Variants in SOX30 observed in about 807,000 individuals in gnomAD.
SOX30 encodes SRY-box transcription factor 30.
SOX30 carries 17 observed loss-of-function variants against 58.6 expected under a neutral mutation model. The ratio of observed to expected loss-of-function variants is 0.29; its 90% CI spans 0.20 to 0.44. The LOEUF is 0.44. SOX30 is among the 20% of genes least tolerant of loss of function. The pLI is 1.00. For missense variants in SOX30, 951 were observed against 965.8 expected, an observed-to-expected ratio of 0.98 and a Z score of 0.20; for synonymous variants, 421 against 400.2, an observed-to-expected ratio of 1.05 and a Z score of -0.62.
intron 1 of SOX30, among the ~76,000 whole-genome samples, chr5:157,668,087 C>G (rs951143042): frequency 2.6e-5 from 4 of 152,226 alleles, no homozygotes; most frequent in Non-Finnish European, 5.9e-5. Context: ...TGATTCTCAG[C>G]TTCATTATGA....
At chr5:157,628,365 T>TCACACACACACACA (rs70984476) in intron 4 of SOX30, among the ~76,000 whole-genome samples, 32 of 139,706 alleles carry the variant, frequency 2.3e-4, no homozygotes, top group African/African-American at 7.3e-4. Context: ...TTTCTGGCCT[T>TCACACACACACACA]CACACACACA....
chr5:157,657,017 C>T (rs1759485187), upstream of SOX30, among the ~76,000 whole-genome samples: 1 of 152,022 alleles, frequency 6.6e-6, no homozygotes, highest in Non-Finnish European at 1.5e-5. Flanking sequence ...AGAATCTTAC[C>T]TTATAGTCAA....
rs1482515339 is a variant in SOX30, at chr5:157,626,630, T to C, written c.1972A>G (p.Lys658Glu). The C allele has an allele frequency of 6.2e-7, 1 of 1,614,168 alleles. No homozygotes were observed. The highest frequency in any genetic ancestry group is 8.5e-7 in the Non-Finnish European group (1 of 1,180,002). Residue 658 changes from lysine to glutamate, a missense_variant, in exon 5 of 5, where the codon AAA becomes GAA. By Grantham distance (56) the Lys-to-Glu change is moderately conservative. Coordinates refer to ENST00000265007, the MANE Select transcript of SOX30 (RefSeq NM_178424.2). Reference sequence around the variant, plus strand: ...AAAGTTGAAAAGATACCCTCATGTTTTGGGTACCTGTCTTCATAATAACTA... The same window carrying C: ...AAAGTTGAAAAGATACCCTCATGTTCTGGGTACCTGTCTTCATAATAACTA... ...CLSYYEDRYP[K>E]HEGIFSTLNR...
rs1024548856 is a variant in SOX30, at chr5:157,652,331, T to C, written c.-253A>G. 38 of 1,206,136 alleles carry C rather than the reference T, an allele frequency of 3.2e-5. No homozygotes were observed. The highest frequency in any genetic ancestry group is 3.8e-5 in the Non-Finnish European group (37 of 972,358). 74.7% of individuals were successfully genotyped at this position (1,206,136 alleles called of 1,614,324 possible). A position where few individuals can be genotyped will look rare whatever the true frequency, so the allele number is the denominator to read the frequency against. On this transcript the variant is annotated 5_prime_UTR_variant, in exon 1 of 5. It removes an upstream start codon present in the reference 5' UTR. Coordinates refer to ENST00000265007, the MANE Select transcript of SOX30 (RefSeq NM_178424.2). ...TGCTGAGTCCTCGAATCACCTGCCATGGTAGGAGCCGCCGCACTTGTTGCA... is the reference window on the plus strand; with the variant it reads ...TGCTGAGTCCTCGAATCACCTGCCACGGTAGGAGCCGCCGCACTTGTTGCA...
In SOX30 at chr5:157,651,911, C is replaced by T. The variant is rs1242048165; in HGVS notation, c.168G>A (p.Gly56=). 3.3e-6 allele frequency: 5 copies of T among 1,519,392 alleles called. No individual in the cohort carries two copies. Among genetic ancestry groups the T allele is most frequent in the Non-Finnish European group, 3.5e-6 (4 of 1,138,262 alleles). 94.1% of individuals were successfully genotyped at this position (1,519,392 alleles called of 1,614,324 possible). A position where few individuals can be genotyped will look rare whatever the true frequency, so the allele number is the denominator to read the frequency against. ...GCTGTAAGCCGGACGCCACTGCCTC[C>T]CCGCACGACGAGGCCAAGGTCGCAC... is the stretch of plus-strand genomic sequence containing the variant. ...AASATLASSC[G]EAVASGLQPA... Residue 56 remains glycine, a synonymous_variant, in exon 1 of 5, where the codon GGG becomes GGA. Transcript: ENST00000265007.
intron 3 of SOX30, among the ~76,000 whole-genome samples, chr5:157,639,793 C>T (rs998403923): frequency 5.3e-5 from 8 of 152,198 alleles, no homozygotes; most frequent in African/African-American, 1.7e-4. Context: ...AGAAATTCTG[C>T]GGTTGGACAT....
rs755944607 is a variant in SOX30 at position 157,626,548 on chromosome 5, G to A, written c.2054C>T (p.Ser685Phe). 6.2e-7 allele frequency: 1 copy of A among 1,614,098 alleles called. No homozygotes were observed. Residue 685 changes from serine (S) to phenylalanine (F), a missense_variant, in exon 5 of 5, where the codon TCT becomes TTT. Physicochemically the swap from Ser to Phe is radical, Grantham distance 155. Around this residue, in one of 7 missense-constraint regions of SOX30, gnomAD observed 381 missense variants for 390.0 expected, o/e 0.98. Coordinates refer to ENST00000265007, the MANE Select transcript of SOX30 (RefSeq NM_178424.2). ...TCCATTCATGTTCTCACAACTCCGA[G>A]AATTTTCACTGTGTGTGCATTCACT... Reference protein sequence around the residue: ...YSSECTHSENSRSCENMNGTS... With the variant: ...YSSECTHSENFRSCENMNGTS...
rs147205933 is a variant in SOX30, at chr5:157,644,187, G to A, written c.1387+2450C>T. 4.8e-4 allele frequency among the ~76,000 whole-genome samples: 73 copies of A among 152,188 alleles called. 1 individual carries two copies. The East Asian group carries it at 0.012, about 24-fold the overall frequency. ...TTGTTTGTTTGTTTTTAGAGACAGC[G>A]TCTTGCTATGTTGCCCAGGCTAGTC... On this transcript the variant is annotated intron_variant, in intron 3 of 4. Transcript: ENST00000265007.
chr5:157,627,561 A>G (rs1298281534), intron 4 of SOX30, among the ~76,000 whole-genome samples: 1 of 152,236 alleles, frequency 6.6e-6, no homozygotes, highest in African/African-American at 2.4e-5. Context: ...GACATTCAAT[A>G]ATAAAGTAAA....
At chr5:157,670,620 C>A (rs1171111107) in intron 1 of SOX30, among the ~76,000 whole-genome samples, 2 of 152,090 alleles carry the variant, frequency 1.3e-5, no homozygotes, top group Non-Finnish European at 2.9e-5. Flanking sequence ...ATCTGAAGAA[C>A]TTTTAGCTTG....
intron 1 of SOX30, among the ~76,000 whole-genome samples, chr5:157,668,297 C>A (rs552758752): frequency 1.3e-5 from 2 of 152,290 alleles, no homozygotes; most frequent in Admixed American, 1.3e-4. Flanking sequence ...TAGCTCCAGG[C>A]TGTCAGGCAG....
intron 1 of SOX30, 115 bp from the exon 2 acceptor site, chr5:157,649,011 T>C (rs1257993410): frequency 3.7e-6 from 5 of 1,363,988 alleles, no homozygotes; most frequent in South Asian, 1.7e-5. Flanking sequence ...GGAGGAAATA[T>C]ACACTTCAAT....
intron 4 of SOX30, among the ~76,000 whole-genome samples, chr5:157,632,147 A>G (rs1444578618): frequency 6.6e-6 from 1 of 151,202 alleles, no homozygotes; most frequent in African/African-American, 2.4e-5. Flanking sequence ...TGAGTACCCA[A>G]TGTTCTGTGC....
rs372666012 is a variant in SOX30 at position 157,644,533 on chromosome 5, G to GT, written c.1387+2103dup. On this transcript the variant is annotated intron_variant, in intron 3 of 4. Coordinates refer to ENST00000265007, the MANE Select transcript of SOX30 (RefSeq NM_178424.2). ...TTGCTCAGAATGGCATAAAATTAATGTATCAAATGTCAACTGTTTCAAATA... is the reference window on the plus strand; with the variant it reads ...TTGCTCAGAATGGCATAAAATTAATGTTATCAAATGTCAACTGTTTCAAATA... 2.8e-3 allele frequency among the ~76,000 whole-genome samples: 422 copies of GT among 152,252 alleles called. 1 individual carries two copies. Among genetic ancestry groups the GT allele is most frequent in the African/African-American group, 9.6e-3 (399 of 41,552 alleles).
intron 1 of SOX30, among the ~76,000 whole-genome samples, chr5:157,670,837 C>T (rs1238904440): frequency 6.6e-6 from 1 of 152,098 alleles, no homozygotes; most frequent in African/African-American, 2.4e-5. Context: ...AAGCAAAGTC[C>T]GGAAGCAAGT....
At chr5:157,653,632 AAG>A (rs1338692568), upstream of SOX30, among the ~76,000 whole-genome samples, 1 of 152,232 alleles carries the variant, frequency 6.6e-6, no homozygotes, top group Non-Finnish European at 1.5e-5. Context: ...GAAAAACAAA[AAG>A]AAATCCTGTA....
chr5:157,661,998 C>T (rs1759587499), intron 2 of SOX30, among the ~76,000 whole-genome samples: 1 of 152,064 alleles, frequency 6.6e-6, no homozygotes, highest in African/African-American at 2.4e-5. Flanking sequence ...GAAGAAGATT[C>T]TAAAATAATT....
intron 4 of SOX30, among the ~76,000 whole-genome samples, 176 bp from the exon 5 acceptor site, chr5:157,626,897 G>GA: frequency 6.6e-6 from 1 of 152,314 alleles, no homozygotes; most frequent in Admixed American, 6.5e-5. Context: ...CAAGGAACAG[G>GA]AAAGGGAGCT....
chr5:157,647,938 A>C (rs912356480), intron 2 of SOX30, among the ~76,000 whole-genome samples: 8 of 152,244 alleles, frequency 5.3e-5, no homozygotes, highest in Middle Eastern at 3.4e-3. Context: ...CAAATAACTT[A>C]ATTTCTTCCA....
Sources: allele counts gnomAD v4.1 joint callset (sites outside exome capture counted in the v4.1 genomes callset), GRCh38; gene constraint gnomAD v4.1.1; regional missense constraint gnomAD v4.1.1; transcripts MANE v1.5; gene names NCBI Gene and HGNC (gene_info 2026-07-23, HGNC 2026-07-21).